Variants in WWOX observed in about 807,000 individuals in gnomAD.
WWOX encodes the protein WW domain containing oxidoreductase.
A neutral mutation model predicts 46.2 loss-of-function variants in WWOX; 69 were observed. That is an observed-to-expected ratio of 1.49 (90% CI 1.23 to 1.82). The LOEUF is 1.82. Ranked by LOEUF, WWOX falls within the 40% of genes most tolerant of loss-of-function variation. The pLI, the probability that WWOX is intolerant of heterozygous loss-of-function variation, is 0.00. For synonymous variants in WWOX, 359 were observed against 202.6 expected (o/e 1.77, Z -6.56); for missense variants, 919 against 542.6 (o/e 1.69, Z -6.89).
intron 5 of WWOX, among the ~76,000 whole-genome samples, chr16:78,172,237 A>T (rs936392557): frequency 1.3e-5 from 2 of 152,208 alleles, no homozygotes; most frequent in African/African-American, 4.8e-5. Flanking sequence ...CGCTTCTTGT[A>T]ATCTGAGGGA....
At chr16:78,769,444 C>T (rs1275520797) in intron 8 of WWOX, among the ~76,000 whole-genome samples, 2 of 152,108 alleles carry the variant, frequency 1.3e-5, no homozygotes. Context: ...TCGTGGTAAA[C>T]AAAGCAAAGT....
intron 5 of WWOX, among the ~76,000 whole-genome samples, chr16:78,264,238 C>G (rs1170086208): frequency 2.0e-5 from 3 of 151,938 alleles, no homozygotes; most frequent in Non-Finnish European, 4.4e-5. Context: ...CTCCTGGTGA[C>G]TGTCCTGAAA....
chr16:78,702,710 A>G (rs1019021084), intron 8 of WWOX, among the ~76,000 whole-genome samples: 2 of 152,150 alleles, frequency 1.3e-5, no homozygotes, highest in Admixed American at 6.5e-5. Context: ...GAGAAAGCCA[A>G]AGGTTAGAAA....
chr16:78,636,325 C>A (rs907648431), intron 8 of WWOX, among the ~76,000 whole-genome samples: 2 of 152,076 alleles, frequency 1.3e-5, no homozygotes, highest in African/African-American at 4.8e-5. Flanking sequence ...GCCAAAGACC[C>A]CCACCTTTGA....
intron 8 of WWOX, among the ~76,000 whole-genome samples, chr16:78,874,650 C>A (rs1023037018): frequency 1.3e-5 from 2 of 150,406 alleles, no homozygotes; most frequent in Non-Finnish European, 3.0e-5. Context: ...AATTGAAACA[C>A]CTTCAACTGT....
chr16:79,152,531 C>T (rs1332044711), intron 8 of WWOX, among the ~76,000 whole-genome samples: 1 of 151,950 alleles, frequency 6.6e-6, no homozygotes, highest in Non-Finnish European at 1.5e-5. Flanking sequence ...ATTAGCTGGG[C>T]GTGGTGGCGT....
intron 5 of WWOX, among the ~76,000 whole-genome samples, chr16:78,316,427 G>T (rs1005867009): frequency 2.2e-4 from 33 of 151,956 alleles, no homozygotes; most frequent in African/African-American, 7.7e-4. Context: ...TGCAACCTCC[G>T]ACCCCCCTGG....
intron 5 of WWOX, among the ~76,000 whole-genome samples, chr16:78,234,040 G>C (rs1012122787): frequency 6.6e-6 from 1 of 152,116 alleles, no homozygotes; most frequent in African/African-American, 2.4e-5. Flanking sequence ...TAGGATGGCA[G>C]GTCGTGGGAC....
chr16:78,223,194 C>T (rs1222776827), intron 5 of WWOX, among the ~76,000 whole-genome samples: 1 of 152,112 alleles, frequency 6.6e-6, no homozygotes, highest in Non-Finnish European at 1.5e-5. Flanking sequence ...GGTGACTCTG[C>T]CCATCAAGGG....
intron 8 of WWOX, among the ~76,000 whole-genome samples, chr16:78,895,027 G>A (rs185885996): frequency 2.6e-4 from 40 of 152,296 alleles, no homozygotes; most frequent in Non-Finnish European, 5.3e-4. Flanking sequence ...ACCGGTTTAC[G>A]AGAACTCTAT....
At chr16:78,624,502 A>G (rs1354206922) in intron 8 of WWOX, among the ~76,000 whole-genome samples, 3 of 152,188 alleles carry the variant, frequency 2.0e-5, no homozygotes, top group African/African-American at 2.4e-5. Flanking sequence ...TCTTTCCCTC[A>G]CAGGACAATA....
intron 8 of WWOX, among the ~76,000 whole-genome samples, chr16:78,719,896 T>G (rs577876012): frequency 6.6e-6 from 1 of 152,328 alleles, no homozygotes; most frequent in East Asian, 1.9e-4. Flanking sequence ...AAAATATTAT[T>G]TGTTTCCCTT....
intron 8 of WWOX, among the ~76,000 whole-genome samples, chr16:78,459,049 C>G (rs1026619728): frequency 1.3e-5 from 2 of 152,154 alleles, no homozygotes; most frequent in Admixed American, 6.5e-5. Context: ...TAATGGATTA[C>G]AGTACCTAAA....
chr16:78,650,653 C>T (rs1343914208), intron 8 of WWOX, among the ~76,000 whole-genome samples: 1 of 152,134 alleles, frequency 6.6e-6, no homozygotes, highest in Non-Finnish European at 1.5e-5. Context: ...TGGAGGTGTT[C>T]TCAGGAAACC....
chr16:78,400,967 C>T (rs1004956566), intron 6 of WWOX, among the ~76,000 whole-genome samples: 2 of 152,130 alleles, frequency 1.3e-5, no homozygotes, highest in African/African-American at 4.8e-5. Flanking sequence ...GGACTACATG[C>T]CTGCACCATC....
At chr16:78,480,171 A>G (rs2667558) in intron 8 of WWOX, among the ~76,000 whole-genome samples, 31,051 of 152,122 alleles carry the variant, frequency 0.2, 3,523 homozygotes, top group African/African-American at 0.32. Flanking sequence ...TAAAAGTTCA[A>G]TTGCTCTGAA....
chr16:78,886,435 T>C lies in WWOX; in HGVS notation c.1057-325173T>C, dbSNP rs75280556. Among the ~76,000 whole-genome samples the C allele has an allele frequency of 7.8e-3, 1,192 of 151,992 alleles. 16 individuals carry two copies. The highest frequency in any genetic ancestry group is 0.027 in the African/African-American group (1,133 of 41,486). ...TGGCTTCACAAAAGAACATTTCCTC[T>C]TCTTTTGGACATTTGCTCCCAATTT... is the stretch of plus-strand genomic sequence containing the variant. On this transcript the variant is annotated intron_variant, in intron 8 of 8. Transcript: ENST00000566780.
intron 8 of WWOX, among the ~76,000 whole-genome samples, chr16:78,614,125 C>G (rs974422845): frequency 6.6e-6 from 1 of 152,224 alleles, no homozygotes; most frequent in African/African-American, 2.4e-5. Context: ...ACATGAATAT[C>G]TCACATCAGA....
chr16:78,939,107 G>A (rs541074097), intron 8 of WWOX, among the ~76,000 whole-genome samples: 4 of 152,184 alleles, frequency 2.6e-5, no homozygotes, highest in Admixed American at 6.5e-5. Context: ...CAGTGGCCCC[G>A]CTGGATTTTC....
Sources: gnomAD v4.1 joint callset for allele counts (sites outside exome capture counted in the v4.1 genomes callset) on GRCh38, gnomAD v4.1.1 for gene constraint, MANE v1.5 for transcripts, NCBI Gene and HGNC (gene_info 2026-07-23, HGNC 2026-07-21) for gene names.